TASP1: variants seen among roughly 807,000 people sequenced by gnomAD.
TASP1 encodes the protein taspase 1.
TASP1 carries 16 observed loss-of-function variants against 56.6 expected under a neutral mutation model. The ratio of observed to expected loss-of-function variants is 0.28; its 90% CI spans 0.19 to 0.43. TASP1 has a LOEUF of 0.43. Among genes scored for constraint, TASP1 ranks in the 20% least tolerant of loss-of-function variants. The pLI, the probability that TASP1 is intolerant of heterozygous loss-of-function variation, is 1.00. For missense variants in TASP1, 393 were observed against 511.6 expected, an observed-to-expected ratio of 0.77 and a Z score of 2.24; for synonymous variants, 179 against 184.2, an observed-to-expected ratio of 0.97 and a Z score of 0.23.
At chr20:13,115,349 TAG>T in the TASP1 span, among the ~76,000 whole-genome samples, 1 of 152,140 alleles carries the variant, frequency 6.6e-6, no homozygotes, top group Non-Finnish European at 1.5e-5. Flanking sequence ...AGCAGTATTG[TAG>T]AGTCATTAAT....
chr20:13,492,400 G>A (rs1012957895), intron 10 of TASP1, among the ~76,000 whole-genome samples: 7 of 152,162 alleles, frequency 4.6e-5, no homozygotes, highest in Non-Finnish European at 7.3e-5. Flanking sequence ...TTATTACACA[G>A]TACGTCACCT....
At chr20:13,346,159 T>C in the TASP1 span, among the ~76,000 whole-genome samples, 8 of 148,732 alleles carry the variant, frequency 5.4e-5, no homozygotes, top group Non-Finnish European at 1.0e-4. Context: ...CAAAGTCTCC[T>C]GGAACAACTG....
At chr20:13,402,682 A>G (rs561724477) in intron 13 of TASP1, among the ~76,000 whole-genome samples, 1 of 152,350 alleles carries the variant, frequency 6.6e-6, no homozygotes, top group South Asian at 2.1e-4. Flanking sequence ...GTTAAGACTA[A>G]GGCCAATTTG....
intron 4 of TASP1, among the ~76,000 whole-genome samples, chr20:13,605,873 T>C (rs1381339280): frequency 6.6e-6 from 1 of 152,094 alleles, no homozygotes; most frequent in African/African-American, 2.4e-5. Flanking sequence ...CTAGCACACT[T>C]AGAATAAAAT....
chr20:13,175,504 C>G, the TASP1 span, among the ~76,000 whole-genome samples: 1 of 152,084 alleles, frequency 6.6e-6, no homozygotes, highest in African/African-American at 2.4e-5. Context: ...AAGACTTAGG[C>G]CAGTGAGAGG....
At chr20:13,340,489 C>T in the TASP1 span, among the ~76,000 whole-genome samples, 4 of 142,952 alleles carry the variant, frequency 2.8e-5, no homozygotes, top group Non-Finnish European at 4.7e-5. Flanking sequence ...AGTGTGTTTG[C>T]TTTTTTTTTT....
the TASP1 span, among the ~76,000 whole-genome samples, chr20:13,379,732 C>G: frequency 6.6e-6 from 1 of 152,116 alleles, no homozygotes; most frequent in Non-Finnish European, 1.5e-5. Context: ...TAGGTTTGGT[C>G]TTTTCACATA....
chr20:13,632,932 T>C (rs925987514), intron 1 of TASP1, among the ~76,000 whole-genome samples: 1 of 152,158 alleles, frequency 6.6e-6, no homozygotes, highest in Non-Finnish European at 1.5e-5. Flanking sequence ...ACTCGAAAGA[T>C]GCAAAATAAA....
At chr20:13,478,063 A>G (rs183203798) in intron 11 of TASP1, among the ~76,000 whole-genome samples, 2 of 152,296 alleles carry the variant, frequency 1.3e-5, no homozygotes, top group African/African-American at 4.8e-5. Context: ...AATTGCAGTA[A>G]GAGAAAAAAA....
chr20:13,512,689 T>C (rs966262989), intron 10 of TASP1, among the ~76,000 whole-genome samples: 21 of 152,246 alleles, frequency 1.4e-4, no homozygotes, highest in Non-Finnish European at 2.8e-4. Context: ...GCCTATGTCC[T>C]GAATGGTATT....
At chr20:13,106,472 AAGACTTC>A in the TASP1 span, among the ~76,000 whole-genome samples, 1 of 152,184 alleles carries the variant, frequency 6.6e-6, no homozygotes, top group Non-Finnish European at 1.5e-5. Context: ...AGTTTGGGTT[AAGACTTC>A]AGTGATGAGT....
At chr20:13,191,326 T>C in the TASP1 span, among the ~76,000 whole-genome samples, 18 of 152,150 alleles carry the variant, frequency 1.2e-4, no homozygotes, top group African/African-American at 2.4e-5. Flanking sequence ...ATAGCAAAAC[T>C]ATGAAACAAA....
chr20:13,608,632 T>C (rs2048242708), intron 4 of TASP1, among the ~76,000 whole-genome samples: 1 of 152,268 alleles, frequency 6.6e-6, no homozygotes, highest in Non-Finnish European at 1.5e-5. Context: ...CATATACTTC[T>C]CTGGTGTCAT....
At chr20:13,479,931 A>G (rs1336689223) in intron 11 of TASP1, among the ~76,000 whole-genome samples, 1 of 152,208 alleles carries the variant, frequency 6.6e-6, no homozygotes, top group Admixed American at 6.5e-5. Context: ...AAGAATAAAG[A>G]GATTTGTCCT....
At chr20:13,191,268 C>G in the TASP1 span, among the ~76,000 whole-genome samples, 1 of 152,106 alleles carries the variant, frequency 6.6e-6, no homozygotes, top group Admixed American at 6.5e-5. Flanking sequence ...GAAATCAGCT[C>G]TCGGACGAGG....
At chr20:13,434,339 C>T (rs1217980462) in intron 12 of TASP1, among the ~76,000 whole-genome samples, 1 of 151,940 alleles carries the variant, frequency 6.6e-6, no homozygotes, top group Non-Finnish European at 1.5e-5. Flanking sequence ...TTAATGTGTC[C>T]CCTCTGGAGA....
At chr20:13,266,523 T>C in the TASP1 span, among the ~76,000 whole-genome samples, 2 of 152,122 alleles carry the variant, frequency 1.3e-5, no homozygotes, top group African/African-American at 2.4e-5. Context: ...TGCTGCAGCA[T>C]TGTCAATGTT....
chr20:13,280,400 C>T, the TASP1 span, among the ~76,000 whole-genome samples: 338 of 147,848 alleles, frequency 2.3e-3, 2 homozygotes, highest in Non-Finnish European at 3.4e-3. Context: ...AACCCCCCCC[C>T]CCCAATACAT....
At chr20:13,283,880 A>G in the TASP1 span, among the ~76,000 whole-genome samples, 1 of 152,234 alleles carries the variant, frequency 6.6e-6, no homozygotes, top group African/African-American at 2.4e-5. Flanking sequence ...TTTCCTTTAT[A>G]ATGTTTAATT....
Sources: allele counts gnomAD v4.1 joint callset (sites outside exome capture counted in the v4.1 genomes callset), GRCh38; gene constraint gnomAD v4.1.1; transcripts MANE v1.5; gene names NCBI Gene and HGNC (gene_info 2026-07-23, HGNC 2026-07-21).